Variants in ASH1L observed in about 807,000 individuals in gnomAD.
The protein encoded by ASH1L is ASH1 like histone lysine methyltransferase, also known as histone-lysine N-methyltransferase ASH1L.
A neutral mutation model predicts 269.0 loss-of-function variants in ASH1L; 23 were observed. The observed-to-expected ratio is 0.09, with a 90% CI of 0.06 to 0.12. The LOEUF (loss-of-function observed/expected upper bound fraction) is 0.12, where lower values mean the gene tolerates loss of function less well. ASH1L is among the 10% of genes least tolerant of loss of function. The pLI, the probability that ASH1L is intolerant of heterozygous loss-of-function variation, is 1.00. For missense variants in ASH1L, 2,912 were observed against 3,567.8 expected, an observed-to-expected ratio of 0.82 and a Z score of 4.68; for synonymous variants, 1,187 against 1,253.5, an observed-to-expected ratio of 0.95 and a Z score of 1.12.
At chr1:155,553,801 ATTTTT>A (rs1035973060) in intron 1 of ASH1L, among the ~76,000 whole-genome samples, 4 of 144,456 alleles carry the variant, frequency 2.8e-5, no homozygotes, top group Non-Finnish European at 6.1e-5. Context: ...TCCTATTAGA[ATTTTT>A]TTTTTTTTTT....
rs1665772549 is a variant in ASH1L, at chr1:155,479,093, G to A, written c.3777C>T (p.Tyr1259=). The A allele has an allele frequency of 6.2e-7, 1 of 1,614,068 alleles. No homozygotes were observed. Among genetic ancestry groups the A allele is most frequent in the Middle Eastern group, 1.6e-4 (1 of 6,062 alleles). The change falls in exon 3 of 28, where the codon TAC becomes TAT. Residue 1259 remains tyrosine (Y), a synonymous_variant. Transcript: ENST00000392403. ...GCCTTTTCATCTTGTCATAGCTGAGGTAATCATGATTCCTGCGCTTACATT... is the reference window on the plus strand; with the variant it reads ...GCCTTTTCATCTTGTCATAGCTGAGATAATCATGATTCCTGCGCTTACATT... ...KHKCKRRNHD[Y]LSYDKMKRQK...
At chr1:155,432,697 C>A (rs1237540146) in intron 5 of ASH1L, among the ~76,000 whole-genome samples, 1 of 152,164 alleles carries the variant, frequency 6.6e-6, no homozygotes, top group Non-Finnish European at 1.5e-5. Context: ...GACCATGATA[C>A]TAGAATTTGC....
intron 1 of ASH1L, among the ~76,000 whole-genome samples, chr1:155,547,648 G>A (rs558637311): frequency 5.3e-5 from 8 of 152,026 alleles, no homozygotes; most frequent in South Asian, 4.2e-4. Flanking sequence ...GCTTGAACCC[G>A]AGAGGCAGAG....
At chr1:155,398,085 A>G (rs74922640) in intron 6 of ASH1L, among the ~76,000 whole-genome samples, 7,679 of 152,284 alleles carry the variant, frequency 0.05, 664 homozygotes, top group African/African-American at 0.18. Flanking sequence ...TAAAAACAAT[A>G]TATTTATAAA....
In ASH1L at chr1:155,438,322, A is replaced by G; in HGVS notation, c.5828+5T>C. On this transcript the variant is annotated splice_donor_5th_base_variant and intron_variant, in intron 5 of 27. Transcript: ENST00000392403. ...ACTCAGATAATATGTTAAATGAGGA[A>G]TTACCTTTTATTATTCTCTTGCTCT... 6.5e-7 allele frequency: 1 copy of G among 1,538,662 alleles called. No individual in the cohort carries two copies. The highest frequency in any genetic ancestry group is 8.7e-7 in the Non-Finnish European group (1 of 1,147,996).
chr1:155,400,787 T>C (rs543174856), intron 6 of ASH1L, among the ~76,000 whole-genome samples: 1 of 152,222 alleles, frequency 6.6e-6, no homozygotes, highest in Non-Finnish European at 1.5e-5. Flanking sequence ...TTACTAAATT[T>C]AGATAAACAT....
chr1:155,554,083 G>A (rs1218534775), intron 1 of ASH1L, among the ~76,000 whole-genome samples: 1 of 141,726 alleles, frequency 7.1e-6, no homozygotes, highest in African/African-American at 2.6e-5. Flanking sequence ...CCCGGCCCGA[G>A]TTTTTTTTTT....
intron 4 of ASH1L, among the ~76,000 whole-genome samples, chr1:155,447,494 T>A (rs1269972519): frequency 6.6e-6 from 1 of 152,156 alleles, no homozygotes; most frequent in Non-Finnish European, 1.5e-5. Flanking sequence ...GCTCCCAAAG[T>A]GACAGGATTA....
Position 155,480,461 on chromosome 1 carries a change from A to T in ASH1L, c.2409T>A (p.Ser803=). 6.2e-7 allele frequency: 1 copy of T among 1,614,094 alleles called. No homozygotes were observed. ...TGGAGGATAGTTTGTGAGTAGCAAAAGACTTATGAGATGGTTTTTCACTAT... is the reference window on the plus strand; with the variant it reads ...TGGAGGATAGTTTGTGAGTAGCAAATGACTTATGAGATGGTTTTTCACTAT... ...LADSEKPSHK[S]FATHKLSSSM... Residue 803 remains serine, a synonymous_variant, in exon 3 of 28, where the codon TCT becomes TCA. Transcript: ENST00000392403.
At chr1:155,464,018 G>T (rs1442775575) in intron 3 of ASH1L, among the ~76,000 whole-genome samples, 2 of 152,212 alleles carry the variant, frequency 1.3e-5, no homozygotes, top group Non-Finnish European at 2.9e-5. Context: ...AGCTTTTGCA[G>T]AGTATGCCCA....
intron 1 of ASH1L, among the ~76,000 whole-genome samples, chr1:155,558,979 G>A (rs1445832218): frequency 6.6e-6 from 1 of 150,700 alleles, no homozygotes; most frequent in Non-Finnish European, 1.5e-5. Flanking sequence ...CAACTGGCTG[G>A]GACTACCGGC....
At chr1:155,489,651 G>A (rs1222833965) in intron 2 of ASH1L, among the ~76,000 whole-genome samples, 6 of 151,316 alleles carry the variant, frequency 4.0e-5, no homozygotes, top group East Asian at 3.9e-4. Context: ...CCAGCTACTC[G>A]GGAGGCTGAG....
chr1:155,479,354 CGAA>C lies in ASH1L; in HGVS notation c.3513_3515del (p.Ser1172del). 1 of 1,614,012 alleles carries C rather than the reference CGAA, an allele frequency of 6.2e-7. No individual in the cohort carries two copies. The highest frequency in any genetic ancestry group is 8.5e-7 in the Non-Finnish European group (1 of 1,180,004). On this transcript the variant is annotated inframe_deletion, in exon 3 of 28. Transcript: ENST00000392403. ...TTAGAGATGTGAGTTCACTCAAGTG[CGAA>C]GGAGAATTTGGCAACAAAGTAGGAG...
intron 6 of ASH1L, among the ~76,000 whole-genome samples, chr1:155,411,488 T>C (rs1659755462): frequency 6.7e-6 from 1 of 149,066 alleles, no homozygotes; most frequent in African/African-American, 2.5e-5. Flanking sequence ...GAATCTTCCA[T>C]TTTTAAATCT....
chr1:155,351,572 C>T (rs577136076), intron 17 of ASH1L, among the ~76,000 whole-genome samples: 1 of 144,886 alleles, frequency 6.9e-6, no homozygotes, highest in East Asian at 2.1e-4. Context: ...AAATAAAGGC[C>T]GGGCATGCTG....
intron 12 of ASH1L, among the ~76,000 whole-genome samples, chr1:155,367,926 T>C (rs550395790): frequency 6.6e-6 from 1 of 152,328 alleles, no homozygotes; most frequent in East Asian, 1.9e-4. Flanking sequence ...TTTTTCCTGG[T>C]TAGATTTTAG....
intron 1 of ASH1L, among the ~76,000 whole-genome samples, chr1:155,537,252 G>T (rs2148881273): frequency 6.6e-6 from 1 of 152,154 alleles, no homozygotes; most frequent in East Asian, 1.9e-4. Flanking sequence ...AAAACCAAAA[G>T]CTTGGGCATT....
At position 155,438,334 on chromosome 1, in the gene ASH1L, T is replaced by C. The variant is rs78904392; in HGVS notation, c.5821A>G (p.Asn1941Asp). The C allele has an allele frequency of 1.1e-3, 1,725 of 1,549,466 alleles. 20 individuals are homozygous for C. In the African/African-American group the frequency reaches 0.022, roughly 20 times the overall value. Residue 1941 changes from asparagine to aspartate, a missense_variant, in exon 5 of 28, where the codon AAT (asparagine) becomes GAT (aspartate). This residue lies in a region of ASH1L where 789 missense variants were observed against 897.6 expected (regional missense o/e 0.88). Coordinates refer to ENST00000392403, the MANE Select transcript of ASH1L (RefSeq NM_018489.3). Reference protein sequence around the residue: ...PLPEEEEQENNKSFNEAPVEI... With the variant: ...PLPEEEEQENDKSFNEAPVEI... The stretch of plus-strand genomic sequence containing the variant: ...TGTTAAATGAGGAATTACCTTTTAT[T>C]ATTCTCTTGCTCTTCTTCCTCTGGT...
intron 2 of ASH1L, among the ~76,000 whole-genome samples, chr1:155,504,973 A>C (rs1433841059): frequency 2.0e-5 from 3 of 152,184 alleles, no homozygotes; most frequent in Non-Finnish European, 2.9e-5. Flanking sequence ...TTATCTTTTA[A>C]TTTTTCCTCT....
Sources: gnomAD v4.1 joint callset for allele counts (sites outside exome capture counted in the v4.1 genomes callset) on GRCh38, gnomAD v4.1.1 for gene constraint, gnomAD v4.1.1 regional missense constraint, MANE v1.5 for transcripts, NCBI Gene and HGNC (gene_info 2026-07-23, HGNC 2026-07-21) for gene names.